The following VIPR2 variants were observed in gnomAD, a reference collection of about 807,000 sequenced individuals.
The protein encoded by VIPR2 is vasoactive intestinal polypeptide receptor 2.
Under a neutral mutation model 58.0 loss-of-function variants are expected in VIPR2, and 48 were observed. That is an observed-to-expected ratio of 0.83 (90% CI 0.66 to 1.05). VIPR2 has a LOEUF of 1.05. VIPR2 is among the 50% of genes least tolerant of loss of function. VIPR2 has a pLI of 0.00. For synonymous variants in VIPR2, 243 were observed against 235.2 expected, an observed-to-expected ratio of 1.03 and a Z score of -0.30; for missense variants, 534 against 558.0, an observed-to-expected ratio of 0.96 and a Z score of 0.43.
chr7:159,103,377 C>G (rs1221265389), intron 4 of VIPR2, among the ~76,000 whole-genome samples: 1 of 152,170 alleles, frequency 6.6e-6, no homozygotes, highest in Non-Finnish European at 1.5e-5. Flanking sequence ...CTCAATGCCC[C>G]AGAATGTGGC....
In VIPR2 at chr7:159,062,720, G is replaced by A. The variant is rs191421450; in HGVS notation, c.358-4142C>T. Among the ~76,000 whole-genome samples the A allele has an allele frequency of 2.8e-3, 422 of 152,294 alleles. 6 individuals are homozygous for A. The highest frequency in any genetic ancestry group is 0.022 in the South Asian group (105 of 4,826). ...TTACAAAGGGCAAAAGAACACGACT[G>A]CCACAGCACATAAGGAGACCCAGTG... On this transcript the variant is annotated intron_variant, in intron 4 of 12. Transcript: ENST00000262178.
intron 2 of VIPR2, among the ~76,000 whole-genome samples, chr7:159,141,771 G>A (rs576757531): frequency 1.3e-5 from 2 of 152,218 alleles, no homozygotes; most frequent in Non-Finnish European, 2.9e-5. Flanking sequence ...ACAACAGACT[G>A]TTTTAACACA....
chr7:159,041,625 TTGAGGGTCCGTCAGGGTCC>T (rs371135697), intron 6 of VIPR2, among the ~76,000 whole-genome samples: 338 of 145,928 alleles, frequency 2.3e-3, no homozygotes, highest in African/African-American at 3.3e-3. Flanking sequence ...CACAGGTCCG[TTGAGGGTCCGTCAGGGTCC>T]TGAGGGTCCG....
chr7:159,116,483 A>C (rs1214284290), intron 2 of VIPR2, among the ~76,000 whole-genome samples: 1 of 152,144 alleles, frequency 6.6e-6, no homozygotes, highest in Non-Finnish European at 1.5e-5. Context: ...GGGGCTGGTC[A>C]GGGGGCTGGA....
intron 4 of VIPR2, among the ~76,000 whole-genome samples, chr7:159,083,296 G>T (rs775200752): frequency 2.0e-5 from 3 of 152,140 alleles, no homozygotes; most frequent in African/African-American, 7.2e-5. Flanking sequence ...AGCTTCATCC[G>T]GAACCTTATG....
rs762360337 is a variant in VIPR2, at chr7:159,097,479, C to T, written c.357+6278G>A. Among the ~76,000 whole-genome samples, 7 of 152,090 alleles carry T rather than the reference C, an allele frequency of 4.6e-5. No homozygotes were observed. The highest frequency in any genetic ancestry group is 8.8e-5 in the Non-Finnish European group (6 of 68,018). On this transcript the variant is annotated intron_variant, in intron 4 of 12. Transcript: ENST00000262178. The surrounding 1 kb of genome is among the most constrained non-coding windows in gnomAD (Gnocchi z 5.3). ...GGCCATTCCCGGGAACGCCACACTCCGCCCTGGCCACCTCCACCACAGAAG... is the reference window on the plus strand; with the variant it reads ...GGCCATTCCCGGGAACGCCACACTCTGCCCTGGCCACCTCCACCACAGAAG...
At chr7:159,072,148 C>T (rs1043156066) in intron 4 of VIPR2, among the ~76,000 whole-genome samples, 6 of 149,192 alleles carry the variant, frequency 4.0e-5, no homozygotes, top group Non-Finnish European at 5.9e-5. Flanking sequence ...ACTAGACTGG[C>T]AACAAAAATA....
intron 4 of VIPR2, among the ~76,000 whole-genome samples, chr7:159,063,699 G>A (rs1408459329): frequency 5.5e-5 from 8 of 145,806 alleles, no homozygotes; most frequent in Non-Finnish European, 1.2e-4. Context: ...GGGTCCAGGG[G>A]TCTTGGGGGG....
chr7:159,083,205 C>G lies in VIPR2; in HGVS notation c.357+20552G>C, dbSNP rs980163605. On this transcript the variant is annotated intron_variant, in intron 4 of 12. Coordinates refer to ENST00000262178, the MANE Select transcript of VIPR2 (RefSeq NM_003382.5). ...CACCCCGGAGCAGCCTTGACACTCACTGGGCAAGGATCCCAAGCCTGCCCC... is the reference window on the plus strand; with the variant it reads ...CACCCCGGAGCAGCCTTGACACTCAGTGGGCAAGGATCCCAAGCCTGCCCC... 3.3e-5 allele frequency among the ~76,000 whole-genome samples: 5 copies of G among 152,344 alleles called. No homozygotes were observed. In the East Asian group the frequency reaches 9.6e-4, roughly 29 times the overall value.
chr7:159,116,415 G>A (rs1563342139), intron 2 of VIPR2, among the ~76,000 whole-genome samples: 1 of 152,172 alleles, frequency 6.6e-6, no homozygotes, highest in South Asian at 2.1e-4. Flanking sequence ...TGCCCGCATG[G>A]TCAGTGCATT....
intron 6 of VIPR2, among the ~76,000 whole-genome samples, chr7:159,039,598 T>TGGGTGGGGCCTTGCCACAG (rs147666851): frequency 0.79 from 119,635 of 152,044 alleles, 47,105 homozygotes; most frequent in Middle Eastern, 0.83. Flanking sequence ...AGGGTGTTAG[T>TGGGTGGGGCCTTGCCACAG]GGGTGGCGCT....
intron 3 of VIPR2, among the ~76,000 whole-genome samples, chr7:159,107,408 T>C (rs572409882): frequency 6.6e-6 from 1 of 152,338 alleles, no homozygotes; most frequent in African/African-American, 2.4e-5. Flanking sequence ...TGATGAGTCC[T>C]CGTGCCTCTC....
chr7:159,042,798 C>T (rs764207412), intron 6 of VIPR2, among the ~76,000 whole-genome samples: 56 of 152,320 alleles, frequency 3.7e-4, no homozygotes, highest in Non-Finnish European at 7.1e-4. Context: ...CCTTTCACTT[C>T]CCAGCCCTGA....
At chr7:159,055,638 C>G (rs1855275960) in intron 5 of VIPR2, among the ~76,000 whole-genome samples, 1 of 152,118 alleles carries the variant, frequency 6.6e-6, no homozygotes, top group Non-Finnish European at 1.5e-5. Context: ...CACTGATTCT[C>G]TCCTTGGCTG....
At chr7:159,086,473 C>T (rs533843005) in intron 4 of VIPR2, among the ~76,000 whole-genome samples, 1 of 152,340 alleles carries the variant, frequency 6.6e-6, no homozygotes, top group East Asian at 1.9e-4. Flanking sequence ...TGCACCATGG[C>T]TGCATGGCTG....
Position 159,097,041 on chromosome 7 carries a change from G to C in VIPR2, c.357+6716C>G. On this transcript the variant is annotated intron_variant, in intron 4 of 12. Coordinates refer to ENST00000262178, the MANE Select transcript of VIPR2 (RefSeq NM_003382.5). This position sits in a 1 kb window ranked among gnomAD's most constrained non-coding sequence, Gnocchi z 5.3. ...GTGATTTGGGGCAGGCCGCTCTGGG[G>C]GTCTCTGGCAGGCTCCTCCTGGCAC... is the stretch of plus-strand genomic sequence containing the variant. 6.5e-7 allele frequency: 1 copy of C among 1,549,414 alleles called. No homozygotes were observed. The highest frequency in any genetic ancestry group is 1.4e-5 in the African/African-American group (1 of 73,144).
chr7:159,143,336 T>TC (rs1274342153), intron 1 of VIPR2, among the ~76,000 whole-genome samples: 2 of 151,886 alleles, frequency 1.3e-5, no homozygotes, highest in Non-Finnish European at 2.9e-5. Flanking sequence ...TAAGGAGGGC[T>TC]CCCCCCACCC....
At chr7:159,087,509 G>T (rs1434616199) in intron 4 of VIPR2, among the ~76,000 whole-genome samples, 2 of 128,242 alleles carry the variant, frequency 1.6e-5, no homozygotes, top group Non-Finnish European at 3.3e-5. Flanking sequence ...CCAGGACTCA[G>T]ATAGTGAGAT....
intron 4 of VIPR2, among the ~76,000 whole-genome samples, chr7:159,072,817 AAAT>A (rs1856475173): frequency 6.6e-6 from 1 of 152,248 alleles, no homozygotes; most frequent in African/African-American, 2.4e-5. Context: ...AAAACAAGAA[AAAT>A]AATGAGGAAC....
Sources: allele counts gnomAD v4.1 joint callset (sites outside exome capture counted in the v4.1 genomes callset), GRCh38; gene constraint gnomAD v4.1.1; non-coding constraint Gnocchi (gnomAD v3.1); transcripts MANE v1.5; gene names NCBI Gene and HGNC (gene_info 2026-07-23, HGNC 2026-07-21).